Variants in AGAP1 observed in about 807,000 individuals in gnomAD.
AGAP1 encodes the protein arf-GAP with GTPase, ANK repeat and PH domain-containing protein 1.
A neutral mutation model predicts 105.3 loss-of-function variants in AGAP1; 29 were observed. The ratio of observed to expected loss-of-function variants is 0.28; its 90% CI spans 0.21 to 0.38. AGAP1 has a LOEUF of 0.38. Ranked by LOEUF, AGAP1 falls within the 10% of genes least tolerant of loss-of-function variation. The pLI, the probability that AGAP1 is intolerant of heterozygous loss-of-function variation, is 1.00. For synonymous variants in AGAP1, 509 were observed against 485.9 expected, an observed-to-expected ratio of 1.05 and a Z score of -0.63; for missense variants, 998 against 1,165.1, an observed-to-expected ratio of 0.86 and a Z score of 2.09.
At chr2:235,641,718 T>C (rs1947204281) in intron 1 of AGAP1, among the ~76,000 whole-genome samples, 1 of 152,258 alleles carries the variant, frequency 6.6e-6, no homozygotes, top group Non-Finnish European at 1.5e-5. Flanking sequence ...ACAATGTTAC[T>C]GGCATAATGT....
At chr2:235,704,281 C>T (rs1950412759) in intron 1 of AGAP1, among the ~76,000 whole-genome samples, 1 of 152,228 alleles carries the variant, frequency 6.6e-6, no homozygotes, top group Non-Finnish European at 1.5e-5. Flanking sequence ...GTAACATCTG[C>T]TTAGCAAATT....
chr2:235,978,022 C>T (rs1186653684), intron 13 of AGAP1, among the ~76,000 whole-genome samples: 1 of 152,108 alleles, frequency 6.6e-6, no homozygotes, highest in Non-Finnish European at 1.5e-5. Flanking sequence ...CCTCATGTGG[C>T]CCTTCTGTGG....
intron 16 of AGAP1, among the ~76,000 whole-genome samples, chr2:236,085,785 C>T (rs1276889246): frequency 6.6e-6 from 1 of 152,256 alleles, no homozygotes; most frequent in East Asian, 1.9e-4. Flanking sequence ...AGCTGCCTGG[C>T]TCCATGGGCC....
At chr2:235,682,138 A>C (rs1285543830) in intron 1 of AGAP1, among the ~76,000 whole-genome samples, 1 of 152,098 alleles carries the variant, frequency 6.6e-6, no homozygotes, top group Non-Finnish European at 1.5e-5. Context: ...GGCGTGAGCC[A>C]CCGTGCTTGG....
In AGAP1 at chr2:235,889,538, G is replaced by GTCT. The variant is rs1323352508; in HGVS notation, c.1155+6091_1155+6093dup. On this transcript the variant is annotated intron_variant, in intron 10 of 17. Transcript: ENST00000304032. This position sits in a 1 kb window ranked among gnomAD's most constrained non-coding sequence, Gnocchi z 4.6. The stretch of plus-strand genomic sequence containing the variant: ...TCCTTTCTCGTCATCCCCCAAAAGT[G>GTCT]TCTTTGCCTTTTTTTTTTTTTTTTA... Among the ~76,000 whole-genome samples the GTCT allele has an allele frequency of 7.1e-6, 1 of 141,102 alleles. No homozygotes were observed. The highest frequency in any genetic ancestry group is 1.5e-5 in the Non-Finnish European group (1 of 66,044). The allele number at this position is 141,102 out of a possible 152,430, so 92.6% of individuals were successfully genotyped here.
Position 235,587,617 on chromosome 2 carries a change from T to C in AGAP1, c.163+92768T>C, listed in dbSNP as rs1193132769. Among the ~76,000 whole-genome samples, 3 of 152,068 alleles carry C rather than the reference T, an allele frequency of 2.0e-5. No individual in the cohort carries two copies. In the East Asian group the frequency reaches 5.8e-4, roughly 29 times the overall value. On this transcript the variant is annotated intron_variant, in intron 1 of 17. Transcript: ENST00000304032. ...AAATACTTAAAAAATTAGCCGGGCA[T>C]TGTGGCAGGCACCTGTAATCCCAGC...
chr2:235,636,702 T>G (rs73999004), intron 1 of AGAP1, among the ~76,000 whole-genome samples: 149 of 152,246 alleles, frequency 9.8e-4, no homozygotes, highest in African/African-American at 3.2e-3. Context: ...TCATCACTTG[T>G]TGGGGGTTGA....
intron 12 of AGAP1, among the ~76,000 whole-genome samples, chr2:235,944,532 A>G (rs2053404540): frequency 6.6e-6 from 1 of 152,244 alleles, no homozygotes; most frequent in Non-Finnish European, 1.5e-5. Flanking sequence ...TAAGCTTTCC[A>G]AGTTGGGAAA....
chr2:235,757,371 G>A (rs930776904), intron 6 of AGAP1, among the ~76,000 whole-genome samples: 1 of 138,234 alleles, frequency 7.2e-6, no homozygotes, highest in Admixed American at 6.8e-5. Context: ...CTGTGTGCCA[G>A]GTGCTAGTGC....
At chr2:235,779,199 T>C (rs1237953325) in intron 6 of AGAP1, among the ~76,000 whole-genome samples, 1 of 152,168 alleles carries the variant, frequency 6.6e-6, no homozygotes, top group Non-Finnish European at 1.5e-5. Context: ...GCTAGAAGAC[T>C]CGAGGGAGAA....
At position 236,073,222 on chromosome 2, in the gene AGAP1, C is replaced by T. The variant is rs1011428264; in HGVS notation, c.2114+23941C>T. On this transcript the variant is annotated intron_variant, in intron 16 of 17. Transcript: ENST00000304032. This position sits in a 1 kb window ranked among gnomAD's most constrained non-coding sequence, Gnocchi z 5.4. ...ATATTGGCCAGGCTGGTCTCGAACT[C>T]CTGACCTCGTGAACCACCCGCCTCG... 1.3e-5 allele frequency among the ~76,000 whole-genome samples: 2 copies of T among 151,868 alleles called. No individual in the cohort carries two copies. Among genetic ancestry groups the T allele is most frequent in the African/African-American group, 4.8e-5 (2 of 41,358 alleles).
intron 1 of AGAP1, among the ~76,000 whole-genome samples, chr2:235,606,519 A>T (rs1289412890): frequency 1.3e-5 from 2 of 152,096 alleles, no homozygotes; most frequent in Non-Finnish European, 2.9e-5. Flanking sequence ...ACCTTTTTTT[A>T]AAAAAGTGGG....
intron 16 of AGAP1, among the ~76,000 whole-genome samples, chr2:236,086,387 A>T (rs2058928758): frequency 6.6e-6 from 1 of 152,228 alleles, no homozygotes; most frequent in Admixed American, 6.5e-5. Flanking sequence ...TTACTGCTCA[A>T]GTGTAGTTGC....
chr2:235,742,569 G>A (rs920550175), intron 4 of AGAP1, among the ~76,000 whole-genome samples: 1 of 152,168 alleles, frequency 6.6e-6, no homozygotes, highest in Non-Finnish European at 1.5e-5. Flanking sequence ...TAGTATGGCA[G>A]GGCAAAGTTA....
At chr2:235,766,151 A>G (rs1419290875) in intron 6 of AGAP1, among the ~76,000 whole-genome samples, 1 of 152,272 alleles carries the variant, frequency 6.6e-6, no homozygotes, top group Non-Finnish European at 1.5e-5. Flanking sequence ...CCTTTAAGTT[A>G]TAATTGTTTT....
intron 3 of AGAP1, among the ~76,000 whole-genome samples, chr2:235,717,885 T>C (rs1270853071): frequency 6.6e-6 from 1 of 152,234 alleles, no homozygotes; most frequent in Non-Finnish European, 1.5e-5. Flanking sequence ...TTATTTCTTA[T>C]CTAATTGTTC....
chr2:235,886,422 C>T (rs1037940028), intron 10 of AGAP1, among the ~76,000 whole-genome samples: 4 of 152,232 alleles, frequency 2.6e-5, no homozygotes, highest in Admixed American at 6.5e-5. Flanking sequence ...CAGAAGATTC[C>T]CTTAGGAGGC....
At chr2:235,534,511 G>A (rs1943146248) in intron 1 of AGAP1, among the ~76,000 whole-genome samples, 1 of 152,148 alleles carries the variant, frequency 6.6e-6, no homozygotes, top group Non-Finnish European at 1.5e-5. Context: ...TGCACATTTG[G>A]TAGTTCATTG....
chr2:236,087,243 A>T lies in AGAP1; in HGVS notation c.2115-32949A>T, dbSNP rs1218943681. Among the ~76,000 whole-genome samples, 1 of 152,016 alleles carries T rather than the reference A, an allele frequency of 6.6e-6. No individual in the cohort carries two copies. The highest frequency in any genetic ancestry group is 1.5e-5 in the Non-Finnish European group (1 of 68,018). ...GACAGGCCTTCTCATTATGGAGCCC[A>T]TCAGGGGACAGGGCATTCCAGTGTT... On this transcript the variant is annotated intron_variant, in intron 16 of 17. Coordinates refer to ENST00000304032, the MANE Select transcript of AGAP1 (RefSeq NM_001037131.3). This position sits in a 1 kb window ranked among gnomAD's most constrained non-coding sequence, Gnocchi z 5.7.
Sources: gnomAD v4.1 joint callset for allele counts (sites outside exome capture counted in the v4.1 genomes callset) on GRCh38, gnomAD v4.1.1 for gene constraint, Gnocchi (gnomAD v3.1) non-coding constraint, MANE v1.5 for transcripts, NCBI Gene and HGNC (gene_info 2026-07-23, HGNC 2026-07-21) for gene names.